The following TBRG4 variants were observed in gnomAD, a reference collection of about 807,000 sequenced individuals.
TBRG4 encodes the protein transforming growth factor beta regulator 4.
In TBRG4, 43 loss-of-function variants were observed where a neutral mutation model predicts 65.6. The observed-to-expected ratio is 0.66, with a 90% CI of 0.51 to 0.85. TBRG4 has a LOEUF of 0.85. TBRG4 is among the 40% of genes least tolerant of loss of function. The pLI, the probability that TBRG4 is intolerant of heterozygous loss-of-function variation, is 0.00. For synonymous variants in TBRG4, 366 were observed against 341.4 expected (o/e 1.07, Z -0.79); for missense variants, 709 against 787.9 (o/e 0.90, Z 1.20).
rs763382208 is a variant in TBRG4 at position 45,109,398 on chromosome 7, T to G, written c.-50-111A>C. ...CTATCTGTAAAATCAGACTAAGTCT[T>G]TCTTGACAATCCATAGGTATGTGAT... is the stretch of plus-strand genomic sequence containing the variant. On this transcript the variant is annotated intron_variant, in intron 1 of 10. Coordinates refer to ENST00000258770, the MANE Select transcript of TBRG4 (RefSeq NM_004749.4). 270 of 923,492 alleles carry G rather than the reference T, an allele frequency of 2.9e-4. 1 individual carries two copies. Among genetic ancestry groups the G allele is most frequent in the Non-Finnish European group, 4.0e-4 (261 of 655,676 alleles). The allele number at this position is 923,492 out of a possible 1,614,324, so 57.2% of individuals were successfully genotyped here.
chr7:45,110,587 G>C (rs1032271001), intron 1 of TBRG4, among the ~76,000 whole-genome samples: 4 of 150,838 alleles, frequency 2.7e-5, no homozygotes, highest in Non-Finnish European at 1.5e-5. Context: ...CTTGAAGTGA[G>C]CCGAGATCGC....
intron 1 of TBRG4, among the ~76,000 whole-genome samples, chr7:45,110,367 G>A (rs770085787): frequency 2.0e-5 from 3 of 151,700 alleles, no homozygotes; most frequent in Non-Finnish European, 4.4e-5. Context: ...CCTTGATGTT[G>A]CTTTTAACAA....
Position 45,105,001 on chromosome 7 carries a change from C to T in TBRG4, c.736-292G>A, listed in dbSNP as rs749347311. The T allele has an allele frequency of 4.1e-6, 3 of 740,692 alleles. No individual in the cohort carries two copies. The South Asian group carries it at 4.1e-5, about 10-fold the overall frequency. 45.9% of individuals were successfully genotyped at this position (740,692 alleles called of 1,614,324 possible). A position where few individuals can be genotyped will look rare whatever the true frequency, so the allele number is the denominator to read the frequency against. Reference sequence around the variant, plus strand: ...GCTGTGGCAGCCATCTGGGCCAGCCCCCGCTATGACAGAAACGGGCACTGA... The same window carrying T: ...GCTGTGGCAGCCATCTGGGCCAGCCTCCGCTATGACAGAAACGGGCACTGA... On this transcript the variant is annotated intron_variant, in intron 3 of 10. Coordinates refer to ENST00000258770, the MANE Select transcript of TBRG4 (RefSeq NM_004749.4).
intron 5 of TBRG4, 52 bp downstream of exon 5, chr7:45,104,044 CCAG>C: frequency 6.6e-7 from 1 of 1,516,004 alleles, no homozygotes; most frequent in Non-Finnish European, 8.8e-7. Flanking sequence ...GCAATGGTTC[CCAG>C]CAGATGGCCA....
intron 3 of TBRG4, 83 bp from the exon 4 acceptor site, chr7:45,104,792 T>C: frequency 1.9e-6 from 3 of 1,567,764 alleles, no homozygotes; most frequent in Non-Finnish European, 2.6e-6. Context: ...CATGGTCCCA[T>C]CCAGTGCAGC....
At chr7:45,111,518 G>A in intron 1 of TBRG4, 125 bp downstream of exon 1, 1 of 1,133,466 alleles carries the variant, frequency 8.8e-7, no homozygotes, top group Non-Finnish European at 1.2e-6. Flanking sequence ...CAGGCCCACG[G>A]CATCCCACCG....
chr7:45,102,897 T>C (rs1322050183), intron 6 of TBRG4: 3 of 299,820 alleles, frequency 1.0e-5, no homozygotes, highest in South Asian at 4.5e-5. Flanking sequence ...CCCCAGCCCC[T>C]GGCTAATTGT....
intron 1 of TBRG4, among the ~76,000 whole-genome samples, chr7:45,109,866 AC>A (rs964593816): frequency 6.6e-6 from 1 of 150,944 alleles, no homozygotes; most frequent in African/African-American, 2.4e-5. Context: ...AATCCCAGCT[AC>A]TTGGGAGGCT....
chr7:45,104,851 AC>A, intron 3 of TBRG4, 142 bp from the exon 4 acceptor site: 1 of 1,296,670 alleles, frequency 7.7e-7, no homozygotes, highest in Non-Finnish European at 1.1e-6. Flanking sequence ...TAAACACAGG[AC>A]CACTGTGCAG....
At position 45,104,726 on chromosome 7, in the gene TBRG4, C is replaced by T. The variant is rs776806871; in HGVS notation, c.736-17G>A. On this transcript the variant is annotated splice_polypyrimidine_tract_variant and intron_variant, in intron 3 of 10. Transcript: ENST00000258770. ...CTCCAGGCACTGTCAACCACAGCCG[C>T]GCAGAGGTCAGCTCAATGGCCTGGG... 30 of 1,611,832 alleles carry T rather than the reference C, an allele frequency of 1.9e-5. 1 individual carries two copies. The highest frequency in any genetic ancestry group is 8.0e-5 in the African/African-American group (6 of 75,030).
At position 45,109,720 on chromosome 7, in the gene TBRG4, T is replaced by C. The variant is rs564699662; in HGVS notation, c.-50-433A>G. 3.3e-5 allele frequency among the ~76,000 whole-genome samples: 5 copies of C among 152,264 alleles called. No individual in the cohort carries two copies. In the East Asian group the frequency reaches 9.6e-4, roughly 29 times the overall value. On this transcript the variant is annotated intron_variant, in intron 1 of 10. Coordinates refer to ENST00000258770, the MANE Select transcript of TBRG4 (RefSeq NM_004749.4). ...GGCCAGGCGTGGTGGCTCACGCCTG[T>C]AATCCCAGCACTTTGGGAGGCCTAG... is the stretch of plus-strand genomic sequence containing the variant.
rs2289373 is a variant in TBRG4 at position 45,100,320 on chromosome 7, A to G, written c.*5T>C. On this transcript the variant is annotated 3_prime_UTR_variant, in exon 11 of 11. Transcript: ENST00000258770. ...GAGGCACGCAGTCCATGCTGCTGGC[A>G]CAAGTCACTTGGCCAGCTCCTCAGC... 1 of 1,612,238 alleles carries G rather than the reference A, an allele frequency of 6.2e-7. No homozygotes were observed. Among genetic ancestry groups the G allele is most frequent in the African/African-American group, 1.3e-5 (1 of 74,916 alleles).
intron 1 of TBRG4, chr7:45,110,640 CAA>C (rs1312538523): frequency 4.2e-4 from 29 of 68,470 alleles, no homozygotes; most frequent in Admixed American, 4.9e-4. Flanking sequence ...GACTCTGTCA[CAA>C]AAAAAAAAAA....
At chr7:45,108,689 A>T in intron 2 of TBRG4, 138 bp downstream of exon 2, 1 of 703,294 alleles carries the variant, frequency 1.4e-6, no homozygotes, top group Non-Finnish European at 2.2e-6. Flanking sequence ...AGCACTTTGA[A>T]ATTTATAAAA....
chr7:45,106,101 A>G, intron 2 of TBRG4: 1 of 569,940 alleles, frequency 1.8e-6, no homozygotes, highest in Non-Finnish European at 3.4e-6. Context: ...ATGGCTGCCA[A>G]GCACCTGCAG....
In TBRG4 at chr7:45,105,445, T is replaced by G; in HGVS notation, c.731A>C (p.Asp244Ala). Residue 244 changes from aspartate (D) to alanine (A), a missense_variant, in exon 3 of 11, where the codon GAC becomes GCC. By Grantham distance (126) the Asp-to-Ala change is moderately radical. Transcript: ENST00000258770. The stretch of plus-strand genomic sequence containing the variant: ...ACCTGCTTTCAGGCCCAGTACCTTG[T>G]CTTCCAGGCGGTTCATTAGTGGCTC... Reference protein sequence around the residue: ...LSEPLMNRLEDKCLELVEHFG... With the variant: ...LSEPLMNRLEAKCLELVEHFG... 6.3e-7 allele frequency: 1 copy of G among 1,595,138 alleles called. No individual in the cohort carries two copies. The highest frequency in any genetic ancestry group is 1.1e-5 in the South Asian group (1 of 88,164).
intron 3 of TBRG4, 36 bp from the exon 4 acceptor site, chr7:45,104,745 G>A: frequency 6.2e-7 from 1 of 1,603,716 alleles, no homozygotes; most frequent in Non-Finnish European, 8.5e-7. Context: ...CAGCTCAATG[G>A]CCTGGGGTGG....
At chr7:45,105,965 G>A (rs760922327) in intron 2 of TBRG4, 5 of 797,684 alleles carry the variant, frequency 6.3e-6, no homozygotes, top group East Asian at 2.4e-5. Flanking sequence ...AGGCCTAGAC[G>A]CTTGGTGTCT....
chr7:45,100,339 C>G lies in TBRG4; in HGVS notation c.1882G>C (p.Glu628Gln). Residue 628 changes from glutamate (E) to glutamine (Q), a missense_variant, in exon 11 of 11, where the codon GAG (glutamate) becomes CAG (glutamine). Glu to Gln is a conservative substitution (Grantham distance 29, BLOSUM62 2). Coordinates refer to ENST00000258770, the MANE Select transcript of TBRG4 (RefSeq NM_004749.4). ...KDKMRKAVAE[E>Q]LAK The stretch of plus-strand genomic sequence containing the variant: ...GCTGGCACAAGTCACTTGGCCAGCT[C>G]CTCAGCCACCGCTTTGCGCATCTTG... 1.2e-6 allele frequency: 2 copies of G among 1,614,084 alleles called. No individual in the cohort carries two copies. The highest frequency in any genetic ancestry group is 1.7e-6 in the Non-Finnish European group (2 of 1,180,018).
Sources: gnomAD v4.1 joint callset for allele counts (sites outside exome capture counted in the v4.1 genomes callset) on GRCh38, gnomAD v4.1.1 for gene constraint, MANE v1.5 for transcripts, NCBI Gene and HGNC (gene_info 2026-07-23, HGNC 2026-07-21) for gene names.